PCCA: variants seen among roughly 807,000 people sequenced by gnomAD.
PCCA encodes the protein propionyl-CoA carboxylase alpha chain, mitochondrial.
A neutral mutation model predicts 101.3 loss-of-function variants in PCCA; 74 were observed. That is an observed-to-expected ratio of 0.73 (90% CI 0.61 to 0.89). The LOEUF (loss-of-function observed/expected upper bound fraction) is 0.89. Among genes scored for constraint, PCCA ranks in the 40% least tolerant of loss-of-function variants. The pLI is 0.00. For synonymous variants in PCCA, 294 were observed against 313.6 expected, an observed-to-expected ratio of 0.94 and a Z score of 0.66; for missense variants, 891 against 907.0, an observed-to-expected ratio of 0.98 and a Z score of 0.23.
chr13:100,274,266 C>T (rs567567908), intron 12 of PCCA, among the ~76,000 whole-genome samples: 3 of 152,144 alleles, frequency 2.0e-5, no homozygotes, highest in African/African-American at 2.4e-5. Context: ...GTATAGTATT[C>T]GTTCTTTTGT....
At chr13:100,249,930 A>G (rs1169564133) in intron 8 of PCCA, among the ~76,000 whole-genome samples, 4 of 152,172 alleles carry the variant, frequency 2.6e-5, no homozygotes, top group Non-Finnish European at 5.9e-5. Context: ...TAACCTTACT[A>G]TAATTGCTTA....
At chr13:100,437,729 C>T (rs1223495255) in intron 20 of PCCA, among the ~76,000 whole-genome samples, 1 of 151,942 alleles carries the variant, frequency 6.6e-6, no homozygotes, top group African/African-American at 2.4e-5. Context: ...AGTTCAGTGG[C>T]ACAATCTCAG....
At chr13:100,328,371 T>TATAATAATAATAATA (rs58866207) in intron 16 of PCCA, among the ~76,000 whole-genome samples, 1 of 141,882 alleles carries the variant, frequency 7.0e-6, no homozygotes, top group African/African-American at 2.6e-5. Context: ...TCAAAAAATA[T>TATAATAATAATAATA]ATAATAATAA....
chr13:100,193,687 T>C (rs1454693564), intron 6 of PCCA, among the ~76,000 whole-genome samples: 1 of 152,214 alleles, frequency 6.6e-6, no homozygotes, highest in Non-Finnish European at 1.5e-5. Context: ...TTTCACTTCA[T>C]TGCATCATTG....
rs190679096 is a variant in PCCA at position 100,247,606 on chromosome 13, C to T, written c.638-9989C>T. On this transcript the variant is annotated intron_variant, in intron 8 of 23. Transcript: ENST00000376285. ...TGGGCTCACTGCAACCTCTGCCTCC[C>T]GGGTTCAAGCAATTCTCCTGCCTCA... Among the ~76,000 whole-genome samples, 17 of 151,218 alleles carry T rather than the reference C, an allele frequency of 1.1e-4. No individual in the cohort carries two copies. The East Asian group carries it at 1.8e-3, about 16-fold the overall frequency.
At chr13:100,474,250 G>A (rs1291090961) in intron 21 of PCCA, among the ~76,000 whole-genome samples, 1 of 152,050 alleles carries the variant, frequency 6.6e-6, no homozygotes, top group East Asian at 1.9e-4. Context: ...GAGTTAATTT[G>A]ACTTTTAGTG....
At chr13:100,175,303 C>G (rs545694208) in intron 6 of PCCA, among the ~76,000 whole-genome samples, 1 of 152,248 alleles carries the variant, frequency 6.6e-6, no homozygotes, top group Non-Finnish European at 1.5e-5. Flanking sequence ...CCTATTTGCT[C>G]TCTTAGGAAA....
chr13:100,132,218 A>G lies in PCCA; in HGVS notation c.300+20157A>G, dbSNP rs1161560436. The stretch of plus-strand genomic sequence containing the variant: ...TCTTTCATACCCTTCTGTGGATATC[A>G]GCACATGTGTAGATTATGTCACTAC... On this transcript the variant is annotated intron_variant, in intron 4 of 23. Coordinates refer to ENST00000376285, the MANE Select transcript of PCCA (RefSeq NM_000282.4). 2.0e-5 allele frequency among the ~76,000 whole-genome samples: 3 copies of G among 152,152 alleles called. No homozygotes were observed. The East Asian group carries it at 5.8e-4, about 29-fold the overall frequency.
At chr13:100,179,524 T>G (rs940852674) in intron 6 of PCCA, among the ~76,000 whole-genome samples, 54 of 152,228 alleles carry the variant, frequency 3.5e-4, no homozygotes, top group African/African-American at 1.3e-3. Context: ...CTCAGTTTGG[T>G]CATGAATACT....
chr13:100,255,821 A>G (rs954523008), intron 8 of PCCA, among the ~76,000 whole-genome samples: 1 of 152,138 alleles, frequency 6.6e-6, no homozygotes, highest in Non-Finnish European at 1.5e-5. Flanking sequence ...AAGCATGCAC[A>G]ATCTTCTATG....
intron 21 of PCCA, chr13:100,489,949 C>T (rs1267247183): frequency 6.6e-6 from 1 of 152,176 alleles, no homozygotes; most frequent in African/African-American, 2.4e-5. Flanking sequence ...GCACGGGGCT[C>T]AGGGAAAGTT....
intron 18 of PCCA, among the ~76,000 whole-genome samples, chr13:100,348,799 C>CTTTTCTCTCTCTTTTTCTCTTTCTCT (rs747038503): frequency 3.1e-4 from 22 of 71,882 alleles, no homozygotes; most frequent in Non-Finnish European, 5.6e-4. Context: ...TTCCTTCCTT[C>CTTTTCTCTCTCTTTTTCTCTTTCTCT]CTTCCTTCCT....
At chr13:100,230,348 A>G (rs560762104) in intron 7 of PCCA, among the ~76,000 whole-genome samples, 1 of 152,210 alleles carries the variant, frequency 6.6e-6, no homozygotes, top group East Asian at 1.9e-4. Flanking sequence ...GTTAGAGATC[A>G]GCCTGGCCAA....
At chr13:100,517,815 C>T (rs1166201117) in intron 22 of PCCA, among the ~76,000 whole-genome samples, 2 of 152,134 alleles carry the variant, frequency 1.3e-5, no homozygotes, top group Non-Finnish European at 2.9e-5. Flanking sequence ...CCACTAATAC[C>T]GAAACCCAAT....
At chr13:100,329,151 T>C (rs569070795) in intron 16 of PCCA, among the ~76,000 whole-genome samples, 62 of 152,294 alleles carry the variant, frequency 4.1e-4, no homozygotes, top group African/African-American at 1.5e-3. Context: ...TATGGTTATG[T>C]TATACATCAT....
intron 8 of PCCA, among the ~76,000 whole-genome samples, chr13:100,241,630 C>G (rs1049505044): frequency 1.3e-5 from 2 of 152,012 alleles, no homozygotes; most frequent in Non-Finnish European, 2.9e-5. Flanking sequence ...GCCACTATGC[C>G]TAATTTTTGT....
At chr13:100,171,323 T>A (rs952332569) in intron 6 of PCCA, among the ~76,000 whole-genome samples, 3 of 152,180 alleles carry the variant, frequency 2.0e-5, no homozygotes, top group African/African-American at 7.2e-5. Flanking sequence ...TTGTCAATAT[T>A]TAAAACTGTA....
At chr13:100,499,798 T>C (rs542368478) in intron 21 of PCCA, among the ~76,000 whole-genome samples, 1 of 152,360 alleles carries the variant, frequency 6.6e-6, no homozygotes, top group South Asian at 2.1e-4. Context: ...GGTTTTTTCT[T>C]TCACAGTTTT....
rs139239022 is a variant in PCCA, at chr13:100,358,224, A to C, written c.1644-10248A>C. Among the ~76,000 whole-genome samples the C allele has an allele frequency of 1.3e-4, 20 of 152,326 alleles. No individual in the cohort carries two copies. The East Asian group carries it at 3.9e-3, about 29-fold the overall frequency. On this transcript the variant is annotated intron_variant, in intron 18 of 23. Coordinates refer to ENST00000376285, the MANE Select transcript of PCCA (RefSeq NM_000282.4). ...GAGCCTCCACAACTTCAGGACTGGT[A>C]ACTAGCAATGTAACTGCCTGCTGTA... is the stretch of plus-strand genomic sequence containing the variant.
Sources: gnomAD v4.1 joint callset for allele counts (sites outside exome capture counted in the v4.1 genomes callset) on GRCh38, gnomAD v4.1.1 for gene constraint, MANE v1.5 for transcripts, NCBI Gene and HGNC (gene_info 2026-07-23, HGNC 2026-07-21) for gene names.